Variants in POGLUT1 observed in about 807,000 individuals in gnomAD.
The protein encoded by POGLUT1 is 9630046K23Rik.
Under a neutral mutation model 61.3 loss-of-function variants are expected in POGLUT1, and 32 were observed. That is an observed-to-expected ratio of 0.52 (90% CI 0.39 to 0.70). The LOEUF (loss-of-function observed/expected upper bound fraction) is 0.70. Ranked by LOEUF, POGLUT1 falls within the 30% of genes least tolerant of loss-of-function variation. The pLI, the probability that POGLUT1 is intolerant of heterozygous loss-of-function variation, is 0.00. For missense variants in POGLUT1, 411 were observed against 469.8 expected (o/e 0.87, Z 1.16); for synonymous variants, 158 against 158.2 (o/e 1.00, Z 0.01).
intron 2 of POGLUT1, 55 bp from the exon 3 acceptor site, chr3:119,471,254 G>A (rs781296450): frequency 2.1e-5 from 32 of 1,554,090 alleles, no homozygotes; most frequent in Non-Finnish European, 2.8e-5. Context: ...GGAAGTAGGT[G>A]GAATGGCACC....
chr3:119,478,407 T>C (rs1245533599), intron 4 of POGLUT1: 2 of 456,608 alleles, frequency 4.4e-6, no homozygotes, highest in Non-Finnish European at 4.4e-6. Flanking sequence ...CTAGCCTCAT[T>C]TCTCGAAAGT....
chr3:119,482,589 G>A (rs1284166727), intron 5 of POGLUT1, among the ~76,000 whole-genome samples: 1 of 151,930 alleles, frequency 6.6e-6, no homozygotes, highest in Non-Finnish European at 1.5e-5. Context: ...TTTTTCTTTT[G>A]ATACCTTCCC....
rs369438260 is a variant in POGLUT1 at position 119,493,146 on chromosome 3, CAA to C, written c.*722_*723del. 1.6e-4 allele frequency: 22 copies of C among 140,412 alleles called. No individual in the cohort carries two copies. The highest frequency in any genetic ancestry group is 1.4e-4 in the Admixed American group (2 of 14,182). 8.7% of individuals were successfully genotyped at this position (140,412 alleles called of 1,614,324 possible). On this transcript the variant is annotated 3_prime_UTR_variant, in exon 11 of 11. Transcript: ENST00000295588. ...CTACTTCTTAATGCCTCTCTAAAGC[CAA>C]AAAAAAAAAAAAAGACAAAGCCTCT...
In POGLUT1 at chr3:119,475,983, C is replaced by T. The variant is rs867549663; in HGVS notation, c.321-1330C>T. 5.6e-5 allele frequency among the ~76,000 whole-genome samples: 6 copies of T among 107,172 alleles called. No individual in the cohort carries two copies. The East Asian group carries it at 2.0e-3, about 36-fold the overall frequency. The allele number at this position is 107,172 out of a possible 152,430, so 70.3% of individuals were successfully genotyped here. ...ACACACACACACACACACACACACA[C>T]ACACACACACAAACACATACAGAGT... On this transcript the variant is annotated intron_variant, in intron 3 of 10. Coordinates refer to ENST00000295588, the MANE Select transcript of POGLUT1 (RefSeq NM_152305.3).
chr3:119,493,227 A>G lies in POGLUT1; in HGVS notation c.*789A>G, dbSNP rs1577090758. Reference sequence around the variant, plus strand: ...ACAGCAGCTCTTCCTCACCCTTTGCATACCTTTAATATTTTTCCTTCTTAA... The same window carrying G: ...ACAGCAGCTCTTCCTCACCCTTTGCGTACCTTTAATATTTTTCCTTCTTAA... On this transcript the variant is annotated 3_prime_UTR_variant, in exon 11 of 11. Coordinates refer to ENST00000295588, the MANE Select transcript of POGLUT1 (RefSeq NM_152305.3). The G allele has an allele frequency of 6.6e-6, 1 of 152,130 alleles. No individual in the cohort carries two copies. Among genetic ancestry groups the G allele is most frequent in the South Asian group, 2.1e-4 (1 of 4,794 alleles). 9.4% of individuals were successfully genotyped at this position (152,130 alleles called of 1,614,324 possible).
At chr3:119,480,635 T>C (rs1380842929) in intron 5 of POGLUT1, among the ~76,000 whole-genome samples, 1 of 152,210 alleles carries the variant, frequency 6.6e-6, no homozygotes, top group African/African-American at 2.4e-5. Context: ...CTAATAATAT[T>C]TACATATCCA....
chr3:119,485,337 A>AG lies in POGLUT1; in HGVS notation c.588_589insG (p.Gln197AlafsTer37). 1 of 1,598,524 alleles carries AG rather than the reference A, an allele frequency of 6.3e-7. No homozygotes were observed. The highest frequency in any genetic ancestry group is 1.3e-5 in the African/African-American group (1 of 74,784). On this transcript the variant is annotated frameshift_variant, in exon 6 of 11. Transcript: ENST00000295588. LOFTEE classifies it high-confidence loss of function. ...AATTCTATATTCTTAGGTCAGCAGC[A>AG]CAGTGGCCATGGAAAAAGAAAAACT... is the stretch of plus-strand genomic sequence containing the variant.
At chr3:119,475,355 A>C (rs191982317) in intron 3 of POGLUT1, among the ~76,000 whole-genome samples, 14 of 152,322 alleles carry the variant, frequency 9.2e-5, no homozygotes, top group Admixed American at 7.2e-4. Flanking sequence ...TCAGCCCTCT[A>C]TCAGTGGACA....
At chr3:119,478,829 C>T (rs1261992622) in intron 4 of POGLUT1, among the ~76,000 whole-genome samples, 7 of 150,906 alleles carry the variant, frequency 4.6e-5, no homozygotes, top group Non-Finnish European at 8.8e-5. Flanking sequence ...CAAATGGAGG[C>T]CAGGTGTAGT....
intron 7 of POGLUT1, among the ~76,000 whole-genome samples, chr3:119,487,853 T>A (rs1245847383): frequency 6.6e-6 from 1 of 152,130 alleles, no homozygotes; most frequent in Non-Finnish European, 1.5e-5. Flanking sequence ...AGAAAATGAA[T>A]CAAATGAGTC....
intron 3 of POGLUT1, among the ~76,000 whole-genome samples, chr3:119,476,099 G>C (rs2081534680): frequency 6.6e-6 from 1 of 152,092 alleles, no homozygotes; most frequent in South Asian, 2.1e-4. Context: ...TGAGGCCACA[G>C]TGAGCCATGA....
chr3:119,472,201 TG>T lies in POGLUT1; in HGVS notation c.320+750del, dbSNP rs75297073. On this transcript the variant is annotated intron_variant, in intron 3 of 10. Transcript: ENST00000295588. ...AAAGATAAACTTTATTTTTGGAGTTTGTTTTTTTTTTTTAACTCAGATCTTT... is the reference window on the plus strand; with the variant it reads ...AAAGATAAACTTTATTTTTGGAGTTTTTTTTTTTTTTTAACTCAGATCTTT... Among the ~76,000 whole-genome samples, 210 of 149,658 alleles carry T rather than the reference TG, an allele frequency of 1.4e-3. 1 individual carries two copies. In the East Asian group the frequency reaches 0.019, roughly 14 times the overall value.
In POGLUT1 at chr3:119,490,539, T is replaced by G. The variant is rs1467430053; in HGVS notation, c.798-12T>G. On this transcript the variant is annotated splice_polypyrimidine_tract_variant and intron_variant, in intron 8 of 10. Coordinates refer to ENST00000295588, the MANE Select transcript of POGLUT1 (RefSeq NM_152305.3). ...ATATAGTATCAAATGTATTTTGTTC[T>G]TTTTTCCCCAGGTATCTGTTTAATT... The G allele has an allele frequency of 1.2e-6, 2 of 1,612,138 alleles. No individual in the cohort carries two copies. The highest frequency in any genetic ancestry group is 3.3e-5 in the Admixed American group (2 of 59,952).
intron 3 of POGLUT1, among the ~76,000 whole-genome samples, chr3:119,476,890 G>A (rs1353766646): frequency 1.3e-5 from 2 of 152,160 alleles, no homozygotes; most frequent in Non-Finnish European, 2.9e-5. Context: ...AATAAAAATG[G>A]TGTCTTTGTG....
rs1195740692 is a variant in POGLUT1, at chr3:119,486,847, G to C, written c.653G>C (p.Arg218Pro). 1 of 1,611,958 alleles carries C rather than the reference G, an allele frequency of 6.2e-7. No individual in the cohort carries two copies. Among genetic ancestry groups the C allele is most frequent in the East Asian group, 2.2e-5 (1 of 44,868 alleles). The change falls in exon 7 of 11, where the codon CGA (arginine) becomes CCA (proline). Residue 218 changes from arginine (R) to proline (P), a missense_variant. Physicochemically the swap from Arg to Pro is moderately radical, Grantham distance 103. Transcript: ENST00000295588. ...YFRGSRTSPE[R>P]DPLILLSRKN... Reference sequence around the variant, plus strand: ...TTCTTTTATAGGACAAGTCCAGAACGAGATCCTCTCATTCTTCTGTCTCGG... The same window carrying C: ...TTCTTTTATAGGACAAGTCCAGAACCAGATCCTCTCATTCTTCTGTCTCGG...
chr3:119,469,275 T>C (rs1156454323), intron 1 of POGLUT1, 169 bp downstream of exon 1: 3 of 630,406 alleles, frequency 4.8e-6, no homozygotes, highest in South Asian at 3.6e-5. Flanking sequence ...TGCCGGGGTC[T>C]CTGCTCCTGC....
rs1423468037 is a variant in POGLUT1 at position 119,471,295 on chromosome 3, C to T, written c.177-14C>T. The T allele has an allele frequency of 6.2e-7, 1 of 1,612,872 alleles. No individual in the cohort carries two copies. The highest frequency in any genetic ancestry group is 1.1e-5 in the South Asian group (1 of 90,776). On this transcript the variant is annotated splice_polypyrimidine_tract_variant and intron_variant, in intron 2 of 10. Transcript: ENST00000295588. The stretch of plus-strand genomic sequence containing the variant: ...CTTGGCCTGCTTTCCTTGATGACTC[C>T]CATTCTTTCCCAGTGTCATAGAAGA...
At chr3:119,484,941 G>C (rs1297337957) in intron 5 of POGLUT1, among the ~76,000 whole-genome samples, 1 of 152,184 alleles carries the variant, frequency 6.6e-6, no homozygotes, top group South Asian at 2.1e-4. Context: ...CTCTGGCCAG[G>C]CACAGTGGCT....
intron 5 of POGLUT1, 107 bp downstream of exon 5, chr3:119,480,279 G>C (rs975971776): frequency 1.8e-4 from 153 of 873,242 alleles, no homozygotes; most frequent in Non-Finnish European, 2.4e-4. Context: ...ACGGAGTTTC[G>C]CCCTTTTTGC....
Sources: gnomAD v4.1 joint callset for allele counts (sites outside exome capture counted in the v4.1 genomes callset) on GRCh38, gnomAD v4.1.1 for gene constraint, MANE v1.5 for transcripts, NCBI Gene and HGNC (gene_info 2026-07-23, HGNC 2026-07-21) for gene names.